COPS2: variants seen among roughly 807,000 people sequenced by gnomAD.
COPS2 encodes the protein COP9 signalosome complex subunit 2.
COPS2 carries 10 observed loss-of-function variants against 66.1 expected under a neutral mutation model. That is an observed-to-expected ratio of 0.15 (90% confidence interval 0.09 to 0.26). The LOEUF (loss-of-function observed/expected upper bound fraction) is 0.26, where lower values mean the gene tolerates loss of function less well. COPS2 is among the 10% of genes least tolerant of loss of function. The probability of loss-of-function intolerance (pLI) is 1.00; values close to 1 mark genes in which losing one functional copy is unlikely to be tolerated. For missense variants in COPS2, 215 were observed against 513.3 expected (o/e 0.42, Z 5.62); for synonymous variants, 179 against 171.3 (o/e 1.04, Z -0.35).
At chr15:49,146,962 C>T (rs1307345363) in intron 1 of COPS2, among the ~76,000 whole-genome samples, 1 of 152,102 alleles carries the variant, frequency 6.6e-6, no homozygotes, top group Non-Finnish European at 1.5e-5. Flanking sequence ...AATTCTCCCA[C>T]TTTTATGTGC....
At chr15:49,148,817 A>G (rs2084338976) in intron 1 of COPS2, among the ~76,000 whole-genome samples, 1 of 152,228 alleles carries the variant, frequency 6.6e-6, no homozygotes, top group Admixed American at 6.5e-5. Flanking sequence ...AAGGATGTAA[A>G]ATAAAAGTGC....
intron 6 of COPS2, among the ~76,000 whole-genome samples, chr15:49,135,857 T>C (rs1034052170): frequency 6.6e-6 from 1 of 152,206 alleles, no homozygotes; most frequent in African/African-American, 2.4e-5. Flanking sequence ...CTATTTACCA[T>C]CCTGATAGCA....
rs1308165451 is a variant in COPS2, at chr15:49,123,861, AAAGC to A, written c.*4085_*4088del. On this transcript the variant is annotated 3_prime_UTR_variant, in exon 13 of 13. Transcript: ENST00000388901. ...CTAAGACGAATCTCCTTAAAATTCAAAAGCAAGTAAGTGATGCTAAACTTTAGCA... is the reference window on the plus strand; with the variant it reads ...CTAAGACGAATCTCCTTAAAATTCAAAAGTAAGTGATGCTAAACTTTAGCA... 1.3e-5 allele frequency: 2 copies of A among 152,218 alleles called. No individual in the cohort carries two copies. Among genetic ancestry groups the A allele is most frequent in the Non-Finnish European group, 2.9e-5 (2 of 68,040 alleles). The allele number at this position is 152,218 out of a possible 1,614,324, so 9.4% of individuals were successfully genotyped here.
chr15:49,153,876 T>C (rs958626212), intron 1 of COPS2, among the ~76,000 whole-genome samples: 2 of 152,014 alleles, frequency 1.3e-5, no homozygotes, highest in Admixed American at 1.3e-4. Context: ...AGGAAGGGTG[T>C]TGTGGGGGGA....
In COPS2 at chr15:49,124,668, T is replaced by G. The variant is rs2084150942; in HGVS notation, c.*3282A>C. On this transcript the variant is annotated 3_prime_UTR_variant, in exon 13 of 13. Transcript: ENST00000388901. ...TGTTATATACTTCAGTTCAAAATGTTTATCTTCTTCAAAATGCTAGAAATA... is the reference window on the plus strand; with the variant it reads ...TGTTATATACTTCAGTTCAAAATGTGTATCTTCTTCAAAATGCTAGAAATA... The G allele has an allele frequency of 6.6e-6, 1 of 152,188 alleles. No homozygotes were observed. Among genetic ancestry groups the G allele is most frequent in the African/African-American group, 2.4e-5 (1 of 41,448 alleles). The allele number at this position is 152,188 out of a possible 1,614,324, so 9.4% of individuals were successfully genotyped here.
At chr15:49,130,948 A>G (rs1409633012) in intron 9 of COPS2, 132 bp from the exon 10 acceptor site, 20 of 465,898 alleles carry the variant, frequency 4.3e-5, no homozygotes, top group Non-Finnish European at 7.6e-5. Flanking sequence ...TGTCATGGAA[A>G]TCACAGTTAA....
intron 1 of COPS2, among the ~76,000 whole-genome samples, chr15:49,145,446 T>C (rs183208757): frequency 8.7e-4 from 133 of 152,296 alleles, no homozygotes; most frequent in Admixed American, 5.1e-3. Flanking sequence ...CTAACGTAGA[T>C]GTGTTCTAAT....
intron 3 of COPS2, among the ~76,000 whole-genome samples, chr15:49,143,661 ACTAATCCTTT>A (rs1284231724): frequency 1.3e-5 from 2 of 152,188 alleles, no homozygotes; most frequent in Non-Finnish European, 2.9e-5. Context: ...CAAAGTAAAC[ACTAATCCTTT>A]GTGGAAAAGT....
intron 1 of COPS2, among the ~76,000 whole-genome samples, chr15:49,151,297 G>A (rs762160875): frequency 6.6e-6 from 1 of 151,734 alleles, no homozygotes; most frequent in Non-Finnish European, 1.5e-5. Flanking sequence ...CTATTCAGGA[G>A]GTTGAGGCAG....
rs568744463 is a variant in COPS2 at position 49,126,839 on chromosome 15, T to C, written c.*1111A>G. The C allele has an allele frequency of 6.6e-6, 1 of 152,256 alleles. No individual in the cohort carries two copies. The highest frequency in any genetic ancestry group is 1.5e-5 in the Non-Finnish European group (1 of 67,976). The allele number at this position is 152,256 out of a possible 1,614,324, so 9.4% of individuals were successfully genotyped here. ...GGTGCCAAGTAATGGTAACTAAAAA[T>C]AATCAAGCTTCCTAATACTATATTT... On this transcript the variant is annotated 3_prime_UTR_variant, in exon 13 of 13. Transcript: ENST00000388901.
At position 49,134,440 on chromosome 15, in the gene COPS2, G is replaced by A; in HGVS notation, c.615C>T (p.Tyr205=). 1 of 1,612,722 alleles carries A rather than the reference G, an allele frequency of 6.2e-7. No individual in the cohort carries two copies. The highest frequency in any genetic ancestry group is 8.5e-7 in the Non-Finnish European group (1 of 1,179,526). The change falls in exon 7 of 13, where the codon TAC becomes TAT. Residue 205 remains tyrosine, a synonymous_variant. Coordinates refer to ENST00000388901, the MANE Select transcript of COPS2 (RefSeq NM_004236.4). ...LEIYALEIQM[Y]TAQKNNKKLK... ...GTTTTTTGTTATTTTTCTGTGCTGT[G>A]TACATTTGAATTTCCAAAGCATATA...
chr15:49,134,470 T>C lies in COPS2; in HGVS notation c.585A>G (p.Leu195=). ...EDDLKKGTQL[L]EIYALEIQMY... ...TTTGAATTTCCAAAGCATATATTTCTAATAACTGTGTACCTTTTTTCAGAT... is the reference window on the plus strand; with the variant it reads ...TTTGAATTTCCAAAGCATATATTTCCAATAACTGTGTACCTTTTTTCAGAT... Residue 195 remains leucine, a synonymous_variant, in exon 7 of 13, where the codon TTA becomes TTG. Transcript: ENST00000388901. 1 of 1,612,196 alleles carries C rather than the reference T, an allele frequency of 6.2e-7. No homozygotes were observed. Among genetic ancestry groups the C allele is most frequent in the African/African-American group, 1.3e-5 (1 of 74,978 alleles).
chr15:49,130,928 T>G (rs1042413726), intron 9 of COPS2, 112 bp from the exon 10 acceptor site: 2 of 500,162 alleles, frequency 4.0e-6, no homozygotes, highest in Admixed American at 3.5e-5. Flanking sequence ...CTAAATAATA[T>G]TATACTTTCT....
Position 49,127,964 on chromosome 15 carries a change from T to A in COPS2, c.1318A>T (p.Ser440Cys). 4 of 1,613,932 alleles carry A rather than the reference T, an allele frequency of 2.5e-6. No homozygotes were observed. The highest frequency in any genetic ancestry group is 3.4e-6 in the Non-Finnish European group (4 of 1,179,844). Residue 440 changes from serine to cysteine, a missense_variant, in exon 13 of 13, where the codon AGT (serine) becomes TGT (cysteine). Ser to Cys is a moderately radical substitution (Grantham distance 112). Transcript: ENST00000388901. ...QLNSLNQAVV[S>C]KLA is the part of the protein sequence containing the mutation. ...CTTGTTCTCTGTTAAGCCAGTTTACTGACTACAGCCTGGTTGAGAGAATTT... is the reference window on the plus strand; with the variant it reads ...CTTGTTCTCTGTTAAGCCAGTTTACAGACTACAGCCTGGTTGAGAGAATTT...
In COPS2 at chr15:49,144,970, G is replaced by C. The variant is rs2084311956; in HGVS notation, c.163C>G (p.Gln55Glu). The C allele has an allele frequency of 6.4e-7, 1 of 1,556,976 alleles. No homozygotes were observed. The highest frequency in any genetic ancestry group is 8.7e-7 in the Non-Finnish European group (1 of 1,148,592). The change falls in exon 2 of 13, where the codon CAA becomes GAA. Residue 55 changes from glutamine to glutamate, a missense_variant. Physicochemically the swap from Gln to Glu is conservative, Grantham distance 29. Coordinates refer to ENST00000388901, the MANE Select transcript of COPS2 (RefSeq NM_004236.4). ...DDPKAALSSF[Q>E]KVLELEGEKG... Reference sequence around the variant, plus strand: ...AAATGGAAAAGAATATAAACCTTTTGGAAACTGCTTAATGCCGCTTTTGGG... The same window carrying C: ...AAATGGAAAAGAATATAAACCTTTTCGAAACTGCTTAATGCCGCTTTTGGG...
At chr15:49,141,924 T>C (rs775297772) in intron 3 of COPS2, among the ~76,000 whole-genome samples, 2 of 152,202 alleles carry the variant, frequency 1.3e-5, no homozygotes, top group Non-Finnish European at 2.9e-5. Context: ...GCTAGTACGT[T>C]AAAATAGCAG....
At chr15:49,141,625 A>T (rs1876066803) in intron 3 of COPS2, among the ~76,000 whole-genome samples, 1 of 152,196 alleles carries the variant, frequency 6.6e-6, no homozygotes, top group African/African-American at 2.4e-5. Flanking sequence ...GGTCCCAGAG[A>T]AGTTGATAGT....
At position 49,133,790 on chromosome 15, in the gene COPS2, G is replaced by T; in HGVS notation, c.916C>A (p.Pro306Thr). ...AAATTCGTCATTGCTAAAATTTCTGGATCATTTTTGTACGGCTTGGCCTAA... is the reference window on the plus strand; with the variant it reads ...AAATTCGTCATTGCTAAAATTTCTGTATCATTTTTGTACGGCTTGGCCTAA... ...SQEAKPYKNDPEILAMTNLVS... is the reference protein window; with the variant it reads ...SQEAKPYKNDTEILAMTNLVS... Residue 306 changes from proline to threonine, a missense_variant, in exon 9 of 13, where the codon CCA (proline) becomes ACA (threonine). Pro to Thr is a conservative substitution (Grantham distance 38, BLOSUM62 -1). Around this residue, in one of 5 missense-constraint regions of COPS2, gnomAD observed 56 missense variants for 173.6 expected, o/e 0.32. Transcript: ENST00000388901. 1.2e-6 allele frequency: 2 copies of T among 1,601,624 alleles called. No individual in the cohort carries two copies. The highest frequency in any genetic ancestry group is 1.7e-6 in the Non-Finnish European group (2 of 1,175,460).
At chr15:49,137,498 T>A (rs2084261864) in intron 4 of COPS2, 61 bp from the exon 5 acceptor site, 1 of 1,213,530 alleles carries the variant, frequency 8.2e-7, no homozygotes, top group Non-Finnish European at 1.2e-6. Flanking sequence ...GTTAATAAAG[T>A]TAATTTGAAC....
Sources: allele counts gnomAD v4.1 joint callset (sites outside exome capture counted in the v4.1 genomes callset), GRCh38; gene constraint gnomAD v4.1.1; regional missense constraint gnomAD v4.1.1; transcripts MANE v1.5; gene names NCBI Gene and HGNC (gene_info 2026-07-23, HGNC 2026-07-21).